Variants in TNS1 observed in about 807,000 individuals in gnomAD.
TNS1 encodes the protein tensin-1.
In TNS1, 62 loss-of-function variants were observed where a neutral mutation model predicts 168.6. The observed-to-expected ratio is 0.37, with a 90% CI of 0.30 to 0.45. The LOEUF is 0.45. Ranked by LOEUF, TNS1 falls within the 20% of genes least tolerant of loss-of-function variation. The probability of loss-of-function intolerance (pLI) is 1.00; values close to 1 mark genes in which losing one functional copy is unlikely to be tolerated. For missense variants in TNS1, 2,240 were observed against 2,339.4 expected (o/e 0.96, Z 0.88); for synonymous variants, 934 against 933.2 (o/e 1.00, Z -0.02).
intron 1 of TNS1, among the ~76,000 whole-genome samples, chr2:217,991,274 C>T (rs889707099): frequency 8.5e-5 from 13 of 152,118 alleles, no homozygotes; most frequent in East Asian, 3.9e-4. Context: ...TGAGTCCAGA[C>T]GGCAGCTGGA....
At chr2:217,884,723 G>A (rs563446297) in intron 16 of TNS1, among the ~76,000 whole-genome samples, 1 of 152,226 alleles carries the variant, frequency 6.6e-6, no homozygotes, top group African/African-American at 2.4e-5. Context: ...ATGATTGTCA[G>A]TAGGACACAT....
intron 2 of TNS1, among the ~76,000 whole-genome samples, chr2:217,979,113 G>T (rs950868783): frequency 2.6e-5 from 4 of 152,108 alleles, no homozygotes; most frequent in Admixed American, 6.5e-5. Context: ...CCTGCCAGGG[G>T]CAGAGGTAGC....
chr2:217,966,268 CGTGTGTGTGTGTGTGTGTGTGT>C (rs3838555), intron 3 of TNS1, among the ~76,000 whole-genome samples: 1 of 140,744 alleles, frequency 7.1e-6, no homozygotes, highest in African/African-American at 2.6e-5. Flanking sequence ...GAGCAGGCTG[CGTGTGTGTGTGTGTGTGTGTGT>C]GTGTGTGTGT....
intron 3 of TNS1, among the ~76,000 whole-genome samples, chr2:217,929,467 G>A (rs1014694878): frequency 4.6e-5 from 7 of 152,180 alleles, no homozygotes; most frequent in Non-Finnish European, 1.5e-5. Context: ...AGCCTACCGG[G>A]GCAGGGTGAG....
chr2:217,903,719 C>T lies in TNS1; in HGVS notation c.321+2616G>A, dbSNP rs971292205. ...AGGAATTTCCTCCTGGTATCTAACC[C>T]TCATCCTTCCTGCTGCAGATTCAGC... On this transcript the variant is annotated intron_variant, in intron 6 of 32. Transcript: ENST00000682258. The T allele has an allele frequency of 5.4e-6, 5 of 918,514 alleles. No individual in the cohort carries two copies. In the African/African-American group the frequency reaches 6.6e-5, roughly 12 times the overall value. The allele number at this position is 918,514 out of a possible 1,614,324, so 56.9% of individuals were successfully genotyped here.
At chr2:217,903,150 C>T (rs1953218615) in intron 6 of TNS1, among the ~76,000 whole-genome samples, 1 of 152,152 alleles carries the variant, frequency 6.6e-6, no homozygotes, top group Non-Finnish European at 1.5e-5. Flanking sequence ...AATCTTCATG[C>T]TCATTCTCTC....
At chr2:217,816,940 G>A (rs1465134761) in intron 24 of TNS1, among the ~76,000 whole-genome samples, 1 of 152,144 alleles carries the variant, frequency 6.6e-6, no homozygotes, top group African/African-American at 2.4e-5. Flanking sequence ...GTTCAAAGTT[G>A]GCCTTTGTGT....
intron 28 of TNS1, 121 bp downstream of exon 28, chr2:217,812,247 A>C (rs2288162): frequency 0.056 from 38,793 of 694,544 alleles, 2,093 homozygotes; most frequent in Admixed American, 0.19. Context: ...GTTTCTCCAG[A>C]CTGGCAAAAT....
chr2:217,886,101 C>T lies in TNS1; in HGVS notation c.983G>A (p.Cys328Tyr). ...GIPNFESKGG[C>Y]RPFLRIYQAM... is the part of the protein sequence containing the mutation. ...CTGGTAGATGCGGAGAAATGGCCGA[C>T]ATCCTGTAAAAGTGGGGTGGGTGTT... is the stretch of plus-strand genomic sequence containing the variant. Residue 328 changes from cysteine to tyrosine, a missense_variant, in exon 14 of 33, where the codon TGT (cysteine) becomes TAT (tyrosine). Cys to Tyr is a radical substitution (Grantham distance 194). This residue lies in a region of TNS1 where 2,131 missense variants were observed against 2,171.2 expected (regional missense o/e 0.98). Coordinates refer to ENST00000682258, the MANE Select transcript of TNS1 (RefSeq NM_001387777.1). 6.2e-7 allele frequency: 1 copy of T among 1,613,610 alleles called. No homozygotes were observed. Among genetic ancestry groups the T allele is most frequent in the South Asian group, 1.1e-5 (1 of 91,058 alleles).
At chr2:217,893,162 G>A (rs1951907669) in intron 10 of TNS1, 150 bp from the exon 11 acceptor site, 1 of 1,074,272 alleles carries the variant, frequency 9.3e-7, no homozygotes, top group Non-Finnish European at 1.3e-6. Context: ...GGCCTCAGGG[G>A]AGGGAGGCAG....
At chr2:217,969,604 A>G (rs1221660607) in intron 3 of TNS1, among the ~76,000 whole-genome samples, 2 of 152,232 alleles carry the variant, frequency 1.3e-5, no homozygotes, top group Non-Finnish European at 2.9e-5. Context: ...CAAATAACCC[A>G]ATTTTTTAAA....
chr2:217,888,671 G>A (rs1471971095), intron 12 of TNS1, among the ~76,000 whole-genome samples: 3 of 152,128 alleles, frequency 2.0e-5, no homozygotes, highest in African/African-American at 7.2e-5. Context: ...GTTTTGTAAG[G>A]GGAAACCCCT....
At chr2:218,006,946 C>T (rs147083250), upstream of TNS1, among the ~76,000 whole-genome samples, 11 of 152,208 alleles carry the variant, frequency 7.2e-5, no homozygotes, top group East Asian at 5.8e-4. Flanking sequence ...AGAAAGGTGG[C>T]GTGACTCATC....
intron 1 of TNS1, among the ~76,000 whole-genome samples, chr2:217,999,359 G>T (rs199814501): frequency 6.6e-6 from 1 of 152,168 alleles, no homozygotes; most frequent in African/African-American, 2.4e-5. Flanking sequence ...ATTCAAAACC[G>T]AACAACCCTA....
chr2:217,972,041 G>A (rs1261458746), intron 3 of TNS1, among the ~76,000 whole-genome samples: 1 of 152,190 alleles, frequency 6.6e-6, no homozygotes, highest in African/African-American at 2.4e-5. Context: ...AGTAGGAGAA[G>A]GCCAGAAGAA....
At position 217,848,862 on chromosome 2, in the gene TNS1, C is replaced by T; in HGVS notation, c.1655G>A (p.Ser552Asn). The change falls in exon 19 of 33, where the codon AGT becomes AAT. Residue 552 changes from serine (S) to asparagine (N), a missense_variant. By Grantham distance (46) the Ser-to-Asn change is conservative. Around this residue, in one of 2 missense-constraint regions of TNS1, gnomAD observed 2,131 missense variants for 2,171.2 expected, o/e 0.98. Coordinates refer to ENST00000682258, the MANE Select transcript of TNS1 (RefSeq NM_001387777.1). ...KTDEPVPGASSATAALSPQEK... is the reference protein window; with the variant it reads ...KTDEPVPGASNATAALSPQEK... ...CTGGGGACTCAAGGCAGCAGTGGCA[C>T]TGGAGGCCCCGGGGACAGGCTCGTC... is the stretch of plus-strand genomic sequence containing the variant. The T allele has an allele frequency of 1.9e-6, 3 of 1,614,006 alleles. No homozygotes were observed. Among genetic ancestry groups the T allele is most frequent in the Non-Finnish European group, 2.5e-6 (3 of 1,180,000 alleles).
At chr2:218,009,552 GC>G (rs1958688102) in intron 1 of TNS1, among the ~76,000 whole-genome samples, 1 of 147,440 alleles carries the variant, frequency 6.8e-6, no homozygotes, top group South Asian at 2.2e-4. Context: ...TGGCGCCCCA[GC>G]CCCCATCCTC....
At chr2:217,918,470 C>T (rs1226274371) in intron 4 of TNS1, among the ~76,000 whole-genome samples, 1 of 152,218 alleles carries the variant, frequency 6.6e-6, no homozygotes, top group Non-Finnish European at 1.5e-5. Context: ...ACAGGCGGGG[C>T]ACCTCACAGA....
intron 9 of TNS1, among the ~76,000 whole-genome samples, 155 bp downstream of exon 9, chr2:217,894,851 A>C (rs1952111945): frequency 6.6e-6 from 1 of 152,182 alleles, no homozygotes; most frequent in Non-Finnish European, 1.5e-5. Context: ...GCATTGTGGA[A>C]ATGATAAGTA....
Sources: gnomAD v4.1 joint callset for allele counts (sites outside exome capture counted in the v4.1 genomes callset) on GRCh38, gnomAD v4.1.1 for gene constraint, gnomAD v4.1.1 regional missense constraint, MANE v1.5 for transcripts, NCBI Gene and HGNC (gene_info 2026-07-23, HGNC 2026-07-21) for gene names.